The following KMO variants were observed in gnomAD, a reference collection of about 807,000 sequenced individuals.
The protein encoded by KMO is kynurenine 3-hydroxylase.
KMO carries 24 observed loss-of-function variants against 57.8 expected under a neutral mutation model. The observed-to-expected ratio is 0.42, with a 90% CI of 0.30 to 0.58. KMO has a LOEUF of 0.58. Ranked by LOEUF, KMO falls within the 20% of genes least tolerant of loss-of-function variation. KMO has a pLI of 0.22. For missense variants in KMO, 483 were observed against 588.2 expected (o/e 0.82, Z 1.85); for synonymous variants, 210 against 193.6 (o/e 1.08, Z -0.70).
chr1:241,571,118 T>A (rs950615539), intron 10 of KMO, among the ~76,000 whole-genome samples: 2 of 152,142 alleles, frequency 1.3e-5, no homozygotes, highest in Non-Finnish European at 2.9e-5. Flanking sequence ...TATTTTTGTA[T>A]GTTGATTTTG....
intron 7 of KMO, among the ~76,000 whole-genome samples, chr1:241,564,562 A>AAT (rs1001233210): frequency 1.3e-5 from 2 of 151,744 alleles, no homozygotes; most frequent in Non-Finnish European, 1.5e-5. Flanking sequence ...TAAAGTAAAA[A>AAT]ATATATATAT....
chr1:241,570,682 T>C (rs1196147312), intron 10 of KMO, among the ~76,000 whole-genome samples: 1 of 152,046 alleles, frequency 6.6e-6, no homozygotes, highest in East Asian at 1.9e-4. Flanking sequence ...TTTGGTTACT[T>C]TAGTTTTGTA....
chr1:241,582,556 ACT>A (rs1000337702), intron 10 of KMO, among the ~76,000 whole-genome samples: 2 of 151,300 alleles, frequency 1.3e-5, no homozygotes, highest in Admixed American at 6.6e-5. Context: ...CTGTTGAGAG[ACT>A]CTGATGCATT....
intron 11 of KMO, 143 bp downstream of exon 11, chr1:241,586,879 C>A: frequency 9.6e-6 from 6 of 623,902 alleles, no homozygotes; most frequent in Non-Finnish European, 1.7e-5. Flanking sequence ...TACTAATAGT[C>A]TATGCCACCG....
intron 7 of KMO, 57 bp from the exon 8 acceptor site, chr1:241,564,930 G>A (rs760898564): frequency 2.9e-5 from 32 of 1,101,936 alleles, no homozygotes; most frequent in African/African-American, 7.8e-5. Flanking sequence ...AGCTGAGTCC[G>A]TTTTATAGGT....
At chr1:241,589,941 A>C in intron 12 of KMO, 71 bp from the exon 13 acceptor site, 1 of 1,193,426 alleles carries the variant, frequency 8.4e-7, no homozygotes, top group Non-Finnish European at 1.2e-6. Context: ...GGAATGAAGA[A>C]TAATACTAAG....
intron 10 of KMO, among the ~76,000 whole-genome samples, chr1:241,582,471 T>C (rs980918880): frequency 2.4e-4 from 36 of 152,320 alleles, no homozygotes; most frequent in African/African-American, 8.2e-4. Context: ...TTATTCTTAT[T>C]GTTTCCCTCT....
chr1:241,549,010 G>A lies in KMO; in HGVS notation c.124+112G>A. ...GGCCGGGAGTTTGAGACCAGCCTGG[G>A]CAACATGGCAAAACCCCATCTCTAC... is the stretch of plus-strand genomic sequence containing the variant. On this transcript the variant is annotated intron_variant, in intron 2 of 14. Transcript: ENST00000366559. The A allele has an allele frequency of 7.5e-6, 5 of 668,754 alleles. No homozygotes were observed. In the South Asian group the frequency reaches 7.8e-5, roughly 10 times the overall value. The allele number at this position is 668,754 out of a possible 1,614,324, so 41.4% of individuals were successfully genotyped here.
At chr1:241,565,210 G>A in intron 8 of KMO, 152 bp downstream of exon 8, 1 of 555,592 alleles carries the variant, frequency 1.8e-6, no homozygotes, top group African/African-American at 2.0e-5. Context: ...GGATTACTGA[G>A]GAAAAATCTG....
rs139448192 is a variant in KMO at position 241,566,146 on chromosome 1, C to T, written c.688-345C>T. Among the ~76,000 whole-genome samples, 336 of 152,254 alleles carry T rather than the reference C, an allele frequency of 2.2e-3. 2 individuals are homozygous for T. The highest frequency in any genetic ancestry group is 7.4e-3 in the African/African-American group (309 of 41,548). On this transcript the variant is annotated intron_variant, in intron 8 of 14. Transcript: ENST00000366559. Reference sequence around the variant, plus strand: ...GCTTGAACCTGGGAGGCAGAGGTTGCGGTGAGCTGAGATTGCCCCACAGCA... The same window carrying T: ...GCTTGAACCTGGGAGGCAGAGGTTGTGGTGAGCTGAGATTGCCCCACAGCA...
In KMO at chr1:241,592,451, G is replaced by A; in HGVS notation, c.*298G>A. ...GAAAGTAAGGCCCTAGATGCCTCAG[G>A]GAAGACAGTAATCATGCCTTTTCTT... On this transcript the variant is annotated 3_prime_UTR_variant, in exon 15 of 15. Transcript: ENST00000366559. 2.8e-6 allele frequency: 1 copy of A among 360,568 alleles called. No individual in the cohort carries two copies. The highest frequency in any genetic ancestry group is 2.1e-5 in the African/African-American group (1 of 47,834). The allele number at this position is 360,568 out of a possible 1,614,324, so 22.3% of individuals were successfully genotyped here.
At chr1:241,542,184 C>T (rs1660981444) in intron 1 of KMO, among the ~76,000 whole-genome samples, 1 of 151,990 alleles carries the variant, frequency 6.6e-6, no homozygotes, top group Non-Finnish European at 1.5e-5. Flanking sequence ...TTACAGTTTT[C>T]TCATGATCAT....
At position 241,592,519 on chromosome 1, in the gene KMO, T is replaced by C. The variant is rs1481731916; in HGVS notation, c.*366T>C. 9.4e-6 allele frequency: 2 copies of C among 212,678 alleles called. No individual in the cohort carries two copies. Among genetic ancestry groups the C allele is most frequent in the Non-Finnish European group, 1.9e-5 (2 of 106,672 alleles). 13.2% of individuals were successfully genotyped at this position (212,678 alleles called of 1,614,324 possible). A position where few individuals can be genotyped will look rare whatever the true frequency, so the allele number is the denominator to read the frequency against. On this transcript the variant is annotated 3_prime_UTR_variant, in exon 15 of 15. Transcript: ENST00000366559. ...CTCGCAACAGCATTGACTCAACACC[T>C]AGGACTAAAAATCACAACTTAACTA...
Position 241,573,883 on chromosome 1 carries a change from A to G in KMO, c.957+5236A>G, listed in dbSNP as rs943518272. Among the ~76,000 whole-genome samples, 11 of 152,166 alleles carry G rather than the reference A, an allele frequency of 7.2e-5. No individual in the cohort carries two copies. The South Asian group carries it at 2.3e-3, about 32-fold the overall frequency. On this transcript the variant is annotated intron_variant, in intron 10 of 14. Coordinates refer to ENST00000366559, the MANE Select transcript of KMO (RefSeq NM_003679.5). Reference sequence around the variant, plus strand: ...AGTATGGTCATATTAACAATATTGTATCTTCCAATCCATGAACTTGGAATG... The same window carrying G: ...AGTATGGTCATATTAACAATATTGTGTCTTCCAATCCATGAACTTGGAATG...
chr1:241,589,954 G>A (rs527540661), intron 12 of KMO, 58 bp from the exon 13 acceptor site: 8 of 1,246,336 alleles, frequency 6.4e-6, no homozygotes, highest in South Asian at 3.6e-5. Context: ...ATACTAAGTC[G>A]CAGTGAGAAA....
chr1:241,587,885 T>C (rs909561649), intron 11 of KMO, among the ~76,000 whole-genome samples: 2 of 152,164 alleles, frequency 1.3e-5, no homozygotes, highest in Admixed American at 6.6e-5. Context: ...GGAGGGTTTG[T>C]ATATTACATA....
chr1:241,587,326 A>C (rs1573940768), intron 11 of KMO, among the ~76,000 whole-genome samples: 1 of 152,208 alleles, frequency 6.6e-6, no homozygotes, highest in Non-Finnish European at 1.5e-5. Context: ...TGCCATCTCA[A>C]CTGCCACTCA....
At chr1:241,562,968 GAA>G (rs1479498775) in intron 7 of KMO, among the ~76,000 whole-genome samples, 2 of 150,768 alleles carry the variant, frequency 1.3e-5, no homozygotes, top group Non-Finnish European at 3.0e-5. Context: ...AGGGAAGGGA[GAA>G]GTTACAACCC....
At chr1:241,582,530 T>C (rs945095053) in intron 10 of KMO, among the ~76,000 whole-genome samples, 5 of 152,204 alleles carry the variant, frequency 3.3e-5, no homozygotes, top group Admixed American at 2.0e-4. Context: ...TTTTTTCTTC[T>C]GTTTGATCAA....
Sources: gnomAD v4.1 joint callset for allele counts (sites outside exome capture counted in the v4.1 genomes callset) on GRCh38, gnomAD v4.1.1 for gene constraint, MANE v1.5 for transcripts, NCBI Gene and HGNC (gene_info 2026-07-23, HGNC 2026-07-21) for gene names.